The following CFAP299 variants were observed in gnomAD, a reference collection of about 807,000 sequenced individuals.
CFAP299 encodes the protein cilia and flagella associated protein 299.
A neutral mutation model predicts 27.0 loss-of-function variants in CFAP299; 21 were observed. That is an observed-to-expected ratio of 0.78 (90% CI 0.55 to 1.12). The LOEUF is 1.12. Among genes scored for constraint, CFAP299 ranks in the 50% most tolerant of loss-of-function variants. The pLI is 0.00. For missense variants in CFAP299, 310 were observed against 276.6 expected (o/e 1.12, Z -0.86); for synonymous variants, 104 against 98.1 (o/e 1.06, Z -0.36).
At chr4:80,364,959 G>A (rs770851147) in intron 2 of CFAP299, among the ~76,000 whole-genome samples, 4 of 152,146 alleles carry the variant, frequency 2.6e-5, no homozygotes, top group African/African-American at 9.7e-5. Context: ...TGGCTGCATA[G>A]TATTCCATGG....
intron 4 of CFAP299, among the ~76,000 whole-genome samples, chr4:80,907,937 A>G (rs1280966076): frequency 2.0e-5 from 3 of 152,142 alleles, no homozygotes; most frequent in African/African-American, 7.2e-5. Context: ...GGCCTCCATC[A>G]CATTCCCTTC....
chr4:80,922,245 G>A (rs1369182516), intron 4 of CFAP299, among the ~76,000 whole-genome samples: 1 of 151,998 alleles, frequency 6.6e-6, no homozygotes, highest in East Asian at 1.9e-4. Context: ...CACTGTTTTT[G>A]AGAAATTGCT....
chr4:80,397,812 A>T (rs1436859547), intron 2 of CFAP299, among the ~76,000 whole-genome samples: 1 of 152,218 alleles, frequency 6.6e-6, no homozygotes, highest in Non-Finnish European at 1.5e-5. Flanking sequence ...CTCGTATTCA[A>T]CATAGTGTTG....
intron 3 of CFAP299, among the ~76,000 whole-genome samples, chr4:80,692,698 G>A: frequency 6.6e-6 from 1 of 152,064 alleles, no homozygotes; most frequent in Non-Finnish European, 1.5e-5. Context: ...TGACAAATGG[G>A]ATCTAATTAA....
intron 2 of CFAP299, among the ~76,000 whole-genome samples, chr4:80,451,439 A>T (rs1728898746): frequency 6.6e-6 from 1 of 152,234 alleles, no homozygotes; most frequent in Non-Finnish European, 1.5e-5. Flanking sequence ...TTCAGCTCAA[A>T]ATATAGGGGT....
chr4:80,907,510 G>T (rs1735242313), intron 4 of CFAP299, among the ~76,000 whole-genome samples: 1 of 152,154 alleles, frequency 6.6e-6, no homozygotes, highest in Admixed American at 6.5e-5. Flanking sequence ...AAAGGATAGG[G>T]TTTTAGTTGA....
chr4:80,758,420 G>A (rs978456666), intron 3 of CFAP299, among the ~76,000 whole-genome samples: 12 of 152,102 alleles, frequency 7.9e-5, no homozygotes, highest in Non-Finnish European at 1.3e-4. Context: ...TCTGCCAGCC[G>A]AGTCTGGGAT....
At chr4:80,868,905 C>CTCTCTGTGTGTGTGTGTG (rs1435285713) in intron 3 of CFAP299, among the ~76,000 whole-genome samples, 2 of 137,576 alleles carry the variant, frequency 1.5e-5, no homozygotes, top group African/African-American at 5.5e-5. Flanking sequence ...GCTTCTCTCT[C>CTCTCTGTGTGTGTGTGTG]TGTGTGTGTG....
intron 3 of CFAP299, among the ~76,000 whole-genome samples, chr4:80,614,940 T>C (rs1738197603): frequency 8.7e-6 from 1 of 115,346 alleles, no homozygotes; most frequent in South Asian, 2.8e-4. Flanking sequence ...TATATTTAAT[T>C]ATAGCTCCTG....
intron 3 of CFAP299, among the ~76,000 whole-genome samples, chr4:80,858,690 T>C (rs551586548): frequency 3.3e-5 from 5 of 152,318 alleles, no homozygotes; most frequent in Admixed American, 3.3e-4. Flanking sequence ...CAGGAGCAGG[T>C]TGTTCAGTTT....
chr4:80,834,783 T>A (rs1243734110), intron 3 of CFAP299, among the ~76,000 whole-genome samples: 1 of 152,146 alleles, frequency 6.6e-6, no homozygotes, highest in Non-Finnish European at 1.5e-5. Context: ...AACACTTTGG[T>A]TGAGCTGGGT....
intron 3 of CFAP299, among the ~76,000 whole-genome samples, chr4:80,685,016 A>G (rs1390630211): frequency 6.6e-6 from 1 of 152,208 alleles, no homozygotes; most frequent in African/African-American, 2.4e-5. Context: ...GTAATTACAT[A>G]TAATTTAAAT....
intron 2 of CFAP299, among the ~76,000 whole-genome samples, chr4:80,364,619 A>G (rs1379419775): frequency 6.6e-6 from 1 of 152,206 alleles, no homozygotes; most frequent in Non-Finnish European, 1.5e-5. Flanking sequence ...TTTTAAGTTC[A>G]GGGGTATGTG....
At chr4:80,657,241 A>T (rs959570813) in intron 3 of CFAP299, among the ~76,000 whole-genome samples, 1 of 151,754 alleles carries the variant, frequency 6.6e-6, no homozygotes, top group Non-Finnish European at 1.5e-5. Context: ...ATTAGATCCC[A>T]TTTGTCAGTT....
chr4:80,382,662 A>G (rs917948006), intron 2 of CFAP299, among the ~76,000 whole-genome samples: 5 of 152,186 alleles, frequency 3.3e-5, no homozygotes, highest in Non-Finnish European at 7.4e-5. Context: ...CAGAATGGCT[A>G]TTACTAAAAA....
intron 2 of CFAP299, among the ~76,000 whole-genome samples, chr4:80,499,669 AT>A (rs909644292): frequency 3.3e-5 from 5 of 151,984 alleles, no homozygotes; most frequent in African/African-American, 1.2e-4. Flanking sequence ...CATTTTCAGT[AT>A]TTTTTGTTTC....
intron 3 of CFAP299, among the ~76,000 whole-genome samples, chr4:80,703,766 CCAAG>C (rs1721656319): frequency 6.6e-6 from 1 of 151,694 alleles, no homozygotes; most frequent in Admixed American, 6.6e-5. Context: ...ATATTTTCCT[CCAAG>C]CATGTTATCC....
chr4:80,774,531 C>G (rs1339888397), intron 3 of CFAP299, among the ~76,000 whole-genome samples: 2 of 151,994 alleles, frequency 1.3e-5, no homozygotes, highest in South Asian at 2.1e-4. Flanking sequence ...AGACCTTAAA[C>G]AATTCACAGA....
At chr4:80,928,665 T>G (rs531827146) in intron 4 of CFAP299, among the ~76,000 whole-genome samples, 1 of 152,194 alleles carries the variant, frequency 6.6e-6, no homozygotes, top group South Asian at 2.1e-4. Context: ...TAATGTTTGT[T>G]TTTTTTAAAG....
Sources: gnomAD v4.1 joint callset for allele counts (sites outside exome capture counted in the v4.1 genomes callset) on GRCh38, gnomAD v4.1.1 for gene constraint, MANE v1.5 for transcripts, NCBI Gene and HGNC (gene_info 2026-07-23, HGNC 2026-07-21) for gene names.